TRAPPC12: variants seen among roughly 807,000 people sequenced by gnomAD.
TRAPPC12 encodes TPR repeat protein 15.
Under a neutral mutation model 69.2 loss-of-function variants are expected in TRAPPC12, and 61 were observed. The observed-to-expected ratio is 0.88, with a 90% confidence interval of 0.72 to 1.09. TRAPPC12 has a LOEUF of 1.09. Ranked by LOEUF, TRAPPC12 falls within the 50% of genes least tolerant of loss-of-function variation. The probability of loss-of-function intolerance (pLI) is 0.00; values close to 1 mark genes in which losing one functional copy is unlikely to be tolerated. For missense variants in TRAPPC12, 1,101 were observed against 1,016.4 expected, an observed-to-expected ratio of 1.08 and a Z score of -1.13; for synonymous variants, 469 against 438.9, an observed-to-expected ratio of 1.07 and a Z score of -0.86.
chr2:3,444,020 G>A, intron 6 of TRAPPC12, 129 bp downstream of exon 6: 1 of 672,460 alleles, frequency 1.5e-6, no homozygotes, highest in South Asian at 1.8e-5. Flanking sequence ...CCTTCAGAAG[G>A]CTAGGTGACC....
intron 1 of TRAPPC12, among the ~76,000 whole-genome samples, chr2:3,382,375 C>T (rs569391053): frequency 5.9e-5 from 9 of 152,002 alleles, no homozygotes; most frequent in South Asian, 4.2e-4. Flanking sequence ...CCTCGTGGTC[C>T]GCCTGCCTCG....
rs575732196 is a variant in TRAPPC12 at position 3,444,367 on chromosome 2, C to T, written c.1530+476C>T. Reference sequence around the variant, plus strand: ...ATGATCCTGACTGCAAAGGCAGAGTCGGAGTGTTTTCGGACTCATTCTTGG... The same window carrying T: ...ATGATCCTGACTGCAAAGGCAGAGTTGGAGTGTTTTCGGACTCATTCTTGG... On this transcript the variant is annotated intron_variant, in intron 6 of 11. Transcript: ENST00000324266. Among the ~76,000 whole-genome samples, 160 of 152,350 alleles carry T rather than the reference C, an allele frequency of 1.1e-3. 2 individuals carry two copies. Among genetic ancestry groups the T allele is most frequent in the African/African-American group, 3.5e-3 (146 of 41,584 alleles).
intron 10 of TRAPPC12, 106 bp downstream of exon 10, chr2:3,477,901 T>C (rs566579591): frequency 5.5e-5 from 35 of 631,278 alleles, no homozygotes; most frequent in African/African-American, 5.2e-4. Flanking sequence ...TCTCCCTGTA[T>C]CTCCTCTTGC....
intron 9 of TRAPPC12, among the ~76,000 whole-genome samples, chr2:3,474,261 C>T (rs552371012): frequency 1.3e-5 from 2 of 152,290 alleles, no homozygotes; most frequent in South Asian, 4.1e-4. Context: ...AAGGTGAGGT[C>T]CCACAATAGC....
At chr2:3,397,458 G>A (rs890729552) in intron 2 of TRAPPC12, among the ~76,000 whole-genome samples, 136 of 152,296 alleles carry the variant, frequency 8.9e-4, no homozygotes, top group African/African-American at 3.2e-3. Flanking sequence ...CCCTGTGTGA[G>A]CTCTGGGCTT....
chr2:3,466,096 A>G (rs567264147), intron 9 of TRAPPC12, among the ~76,000 whole-genome samples: 55 of 152,358 alleles, frequency 3.6e-4, no homozygotes, highest in African/African-American at 1.2e-3. Flanking sequence ...CAAAGTCCAG[A>G]CTGAACAGTG....
chr2:3,412,716 A>G (rs1380670798), intron 3 of TRAPPC12, among the ~76,000 whole-genome samples: 1 of 152,166 alleles, frequency 6.6e-6, no homozygotes, highest in African/African-American at 2.4e-5. Context: ...GATTCATGTC[A>G]TCTCCAACTC....
At chr2:3,472,738 A>G (rs1001846887) in intron 9 of TRAPPC12, 1 of 152,248 alleles carries the variant, frequency 6.6e-6, no homozygotes, top group Non-Finnish European at 1.5e-5. Flanking sequence ...CATCCAGAAT[A>G]TATGAAGAAC....
In TRAPPC12 at chr2:3,409,483, C is replaced by A. The variant is rs981415929; in HGVS notation, c.1164+7590C>A. Among the ~76,000 whole-genome samples, 8 of 152,210 alleles carry A rather than the reference C, an allele frequency of 5.3e-5. No individual in the cohort carries two copies. In the East Asian group the frequency reaches 1.5e-3, roughly 29 times the overall value. On this transcript the variant is annotated intron_variant, in intron 3 of 11. Transcript: ENST00000324266. ...AATCATCTGGCTGGGCACAATGGCT[C>A]ATGCCTGCAATCCCAACACTTTTGG... is the stretch of plus-strand genomic sequence containing the variant.
intron 9 of TRAPPC12, among the ~76,000 whole-genome samples, chr2:3,466,760 C>T (rs1421531354): frequency 1.1e-4 from 16 of 152,180 alleles, no homozygotes; most frequent in Non-Finnish European, 1.5e-5. Context: ...ACTGAATAAC[C>T]CCAGGCAGGC....
intron 5 of TRAPPC12, among the ~76,000 whole-genome samples, chr2:3,432,481 A>G (rs1251773007): frequency 6.6e-6 from 1 of 152,176 alleles, no homozygotes; most frequent in East Asian, 1.9e-4. Context: ...ACACATAACC[A>G]TATGTGATAT....
intron 2 of TRAPPC12, among the ~76,000 whole-genome samples, chr2:3,390,418 C>G (rs1660759467): frequency 6.6e-6 from 1 of 152,170 alleles, no homozygotes; most frequent in African/African-American, 2.4e-5. Context: ...AATCATACTT[C>G]TATACATATA....
chr2:3,423,145 C>T (rs936462254), intron 4 of TRAPPC12, among the ~76,000 whole-genome samples: 3 of 152,162 alleles, frequency 2.0e-5, no homozygotes, highest in Non-Finnish European at 2.9e-5. Context: ...GGTGAACCAC[C>T]CTCCTTTCCA....
At chr2:3,443,694 C>G in intron 5 of TRAPPC12, 85 bp from the exon 6 acceptor site, 1 of 975,444 alleles carries the variant, frequency 1.0e-6, no homozygotes, top group Non-Finnish European at 1.6e-6. Context: ...GCTGGGACAT[C>G]TGCGACGCCT....
chr2:3,459,169 GAC>G, intron 7 of TRAPPC12, among the ~76,000 whole-genome samples: 1 of 152,314 alleles, frequency 6.6e-6, no homozygotes, highest in East Asian at 1.9e-4. Flanking sequence ...GGCAGCCAGG[GAC>G]ACACGGCTCC....
chr2:3,389,544 A>G (rs898345141), intron 2 of TRAPPC12: 1 of 400,090 alleles, frequency 2.5e-6, no homozygotes, highest in African/African-American at 2.1e-5. Flanking sequence ...CCGAGAGGGG[A>G]TGTTACAGCG....
In TRAPPC12 at chr2:3,388,411, T is replaced by C. The variant is rs1660623523; in HGVS notation, c.788T>C (p.Val263Ala). The C allele has an allele frequency of 1.2e-6, 2 of 1,604,366 alleles. No individual in the cohort carries two copies. The highest frequency in any genetic ancestry group is 1.7e-6 in the Non-Finnish European group (2 of 1,175,586). ...GGGACCGAGGGGCGCCCCGAACCCGTGGCCATGCGAGGGCCCCAGGCAGCT... is the reference window on the plus strand; with the variant it reads ...GGGACCGAGGGGCGCCCCGAACCCGCGGCCATGCGAGGGCCCCAGGCAGCT... ...VPGTEGRPEPVAMRGPQAAAP... is the reference protein window; with the variant it reads ...VPGTEGRPEPAAMRGPQAAAP... The change falls in exon 2 of 12, where the codon GTG becomes GCG. Residue 263 changes from valine (V) to alanine (A), a missense_variant. Coordinates refer to ENST00000324266, the MANE Select transcript of TRAPPC12 (RefSeq NM_016030.6).
intron 1 of TRAPPC12, among the ~76,000 whole-genome samples, chr2:3,386,491 A>C (rs188629346): frequency 2.6e-3 from 401 of 152,282 alleles, no homozygotes; most frequent in Non-Finnish European, 4.5e-3. Context: ...GAAGACAGTG[A>C]TAGCAGCTGT....
In TRAPPC12 at chr2:3,418,038, C is replaced by CAAAAA. The variant is rs1158063900; in HGVS notation, c.1165-3826_1165-3822dup. On this transcript the variant is annotated intron_variant, in intron 3 of 11. Coordinates refer to ENST00000324266, the MANE Select transcript of TRAPPC12 (RefSeq NM_016030.6). ...AGCCTGGGCAATAGAGACTCTGTCT[C>CAAAAA]AAAAAAAAAAAAAAAAAAAAACATT... 7.9e-3 allele frequency among the ~76,000 whole-genome samples: 546 copies of CAAAAA among 69,324 alleles called. 1 individual carries two copies. The highest frequency in any genetic ancestry group is 0.019 in the African/African-American group (355 of 18,476). The allele number at this position is 69,324 out of a possible 152,430, so 45.5% of individuals were successfully genotyped here. A position where few individuals can be genotyped will look rare whatever the true frequency, so the allele number is the denominator to read the frequency against.
Sources: gnomAD v4.1 joint callset for allele counts (sites outside exome capture counted in the v4.1 genomes callset) on GRCh38, gnomAD v4.1.1 for gene constraint, MANE v1.5 for transcripts, NCBI Gene and HGNC (gene_info 2026-07-23, HGNC 2026-07-21) for gene names.